Variants in ADGRE3 observed in about 807,000 individuals in gnomAD.
The protein encoded by ADGRE3 is adhesion G protein-coupled receptor E3, also known as EGF-like module receptor 3.
In ADGRE3, 88 loss-of-function variants were observed where a neutral mutation model predicts 80.1. The ratio of observed to expected loss-of-function variants is 1.10; its 90% CI spans 0.93 to 1.31. The LOEUF (loss-of-function observed/expected upper bound fraction) is 1.31, where lower values mean the gene tolerates loss of function less well. Among genes scored for constraint, ADGRE3 ranks in the 40% most tolerant of loss-of-function variants. ADGRE3 has a pLI of 0.00. For missense variants in ADGRE3, 715 were observed against 776.5 expected, an observed-to-expected ratio of 0.92 and a Z score of 0.94; for synonymous variants, 281 against 294.8, an observed-to-expected ratio of 0.95 and a Z score of 0.48.
At chr19:14,640,892 C>T (rs1332540766) in intron 10 of ADGRE3, among the ~76,000 whole-genome samples, 3 of 152,118 alleles carry the variant, frequency 2.0e-5, no homozygotes, top group African/African-American at 7.2e-5. Flanking sequence ...GTGCCTTTCG[C>T]CTCCCGCCAT....
At chr19:14,670,698 C>A (rs771016057) in intron 1 of ADGRE3, among the ~76,000 whole-genome samples, 3 of 152,140 alleles carry the variant, frequency 2.0e-5, no homozygotes, top group Non-Finnish European at 4.4e-5. Context: ...AGCTTTGCAA[C>A]GACTTTAGCA....
Position 14,648,908 on chromosome 19 carries a change from C to T in ADGRE3, c.698-1543G>A, listed in dbSNP as rs560176989. Among the ~76,000 whole-genome samples the T allele has an allele frequency of 4.6e-5, 7 of 152,140 alleles. No homozygotes were observed. In the East Asian group the frequency reaches 5.8e-4, roughly 13 times the overall value. On this transcript the variant is annotated intron_variant, in intron 7 of 15. Transcript: ENST00000253673. ...GCCAATTCTTTAAAATGACTCTCCT[C>T]GTCCCTCCTCATCTCTTTCTTTCCT... is the stretch of plus-strand genomic sequence containing the variant.
intron 5 of ADGRE3, among the ~76,000 whole-genome samples, chr19:14,657,741 A>AT (rs1458932068): frequency 0.042 from 2,382 of 56,834 alleles, 37 homozygotes; most frequent in African/African-American, 0.17. Flanking sequence ...ATATATATAT[A>AT]TATATTTTTT....
At chr19:14,643,999 C>T (rs370818418) in intron 9 of ADGRE3, 109 bp downstream of exon 9, 2 of 691,188 alleles carry the variant, frequency 2.9e-6, no homozygotes, top group Non-Finnish European at 2.1e-6. Flanking sequence ...GCATGAGTCA[C>T]CATGCTCGGC....
chr19:14,611,265 A>G, the ADGRE3 span: 1 of 151,894 alleles, frequency 6.6e-6, no homozygotes, highest in African/African-American at 2.4e-5. Context: ...AAACCATCAA[A>G]ATTATTTTTG....
chr19:14,628,078 A>T (rs1599606166), intron 14 of ADGRE3, among the ~76,000 whole-genome samples: 1 of 152,168 alleles, frequency 6.6e-6, no homozygotes, highest in Non-Finnish European at 1.5e-5. Context: ...TGGTGGGCTG[A>T]GGTCGTGCCA....
chr19:14,659,054 T>A (rs1444254929), intron 4 of ADGRE3, among the ~76,000 whole-genome samples: 1 of 145,826 alleles, frequency 6.9e-6, no homozygotes, highest in Non-Finnish European at 1.5e-5. Flanking sequence ...TTTTTTTTTT[T>A]AGATAGGGTC....
chr19:14,619,104 A>G (rs2075101488), downstream of ADGRE3: 1 of 312,674 alleles, frequency 3.2e-6, no homozygotes, highest in Non-Finnish European at 5.9e-6. Context: ...CTGTCTTAAA[A>G]AAAGAGCAAG....
intron 2 of ADGRE3, among the ~76,000 whole-genome samples, chr19:14,665,814 AAAAAT>A (rs951102611): frequency 5.4e-5 from 8 of 149,500 alleles, no homozygotes; most frequent in African/African-American, 2.0e-4. Context: ...ATTTTTGGAT[AAAAAT>A]AAAATAATAT....
chr19:14,643,770 G>A (rs1462517057), intron 9 of ADGRE3, among the ~76,000 whole-genome samples: 1 of 151,782 alleles, frequency 6.6e-6, no homozygotes, highest in Non-Finnish European at 1.5e-5. Context: ...GAGTGCAATG[G>A]CTTGCTCTCA....
chr19:14,674,605 G>T, intron 1 of ADGRE3, 141 bp downstream of exon 1: 1 of 759,478 alleles, frequency 1.3e-6, no homozygotes, highest in Non-Finnish European at 2.1e-6. Context: ...GGGTAGTCAG[G>T]AAGGAAACCA....
At chr19:14,627,613 A>G (rs1290726111) in intron 14 of ADGRE3, among the ~76,000 whole-genome samples, 1 of 151,854 alleles carries the variant, frequency 6.6e-6, no homozygotes, top group Non-Finnish European at 1.5e-5. Flanking sequence ...TCCTGACCTC[A>G]GATGATCTGC....
At chr19:14,640,064 A>G (rs1205763695) in intron 10 of ADGRE3, among the ~76,000 whole-genome samples, 1 of 152,190 alleles carries the variant, frequency 6.6e-6, no homozygotes, top group Non-Finnish European at 1.5e-5. Flanking sequence ...GATTCCACAC[A>G]TAAGTGAGAT....
intron 13 of ADGRE3, among the ~76,000 whole-genome samples, chr19:14,631,899 A>G (rs1970890817): frequency 6.6e-6 from 1 of 151,566 alleles, no homozygotes; most frequent in Non-Finnish European, 1.5e-5. Context: ...AGGGACAGCC[A>G]TTTTCATTTT....
chr19:14,636,389 G>A (rs902880494), intron 11 of ADGRE3, among the ~76,000 whole-genome samples: 8 of 150,892 alleles, frequency 5.3e-5, no homozygotes, highest in African/African-American at 2.0e-4. Context: ...TGTATTTTTA[G>A]TAGAGATGGG....
At chr19:14,616,153 A>G (rs1001832709), downstream of ADGRE3, among the ~76,000 whole-genome samples, 1 of 151,704 alleles carries the variant, frequency 6.6e-6, no homozygotes, top group African/African-American at 2.4e-5. Flanking sequence ...GCTGGTCTTG[A>G]ACTCCTGACC....
chr19:14,612,543 C>G, the ADGRE3 span, among the ~76,000 whole-genome samples: 1 of 152,170 alleles, frequency 6.6e-6, no homozygotes, highest in Non-Finnish European at 1.5e-5. Flanking sequence ...CCATGTTGCC[C>G]AGACTGGTTT....
At chr19:14,658,723 A>T (rs6511950) in intron 4 of ADGRE3, among the ~76,000 whole-genome samples, 173 bp from the exon 5 acceptor site, 50,826 of 151,632 alleles carry the variant, frequency 0.34, 8,932 homozygotes, top group African/African-American at 0.46. Context: ...AATTTTATTT[A>T]AAAAATTTTT....
At chr19:14,639,505 A>G (rs1971188630) in intron 10 of ADGRE3, among the ~76,000 whole-genome samples, 2 of 152,086 alleles carry the variant, frequency 1.3e-5, no homozygotes, top group African/African-American at 4.8e-5. Context: ...CCTGGGTTCA[A>G]GCAATCTTCC....
Sources: allele counts gnomAD v4.1 joint callset (sites outside exome capture counted in the v4.1 genomes callset), GRCh38; gene constraint gnomAD v4.1.1; transcripts MANE v1.5; gene names NCBI Gene and HGNC (gene_info 2026-07-23, HGNC 2026-07-21).